GALNT6: variants seen among roughly 807,000 people sequenced by gnomAD.
GALNT6 encodes polypeptide N-acetylgalactosaminyltransferase 6.
A neutral mutation model predicts 65.9 loss-of-function variants in GALNT6; 51 were observed. The ratio of observed to expected loss-of-function variants is 0.77; its 90% CI spans 0.62 to 0.98. The LOEUF (loss-of-function observed/expected upper bound fraction) is 0.98, where lower values mean the gene tolerates loss of function less well. Among genes scored for constraint, GALNT6 ranks in the 50% least tolerant of loss-of-function variants. The pLI is 0.00. For missense variants in GALNT6, 708 were observed against 803.3 expected, an observed-to-expected ratio of 0.88 and a Z score of 1.43; for synonymous variants, 323 against 315.1, an observed-to-expected ratio of 1.02 and a Z score of -0.26.
At chr12:51,378,933 C>A (rs11833533) in intron 3 of GALNT6, among the ~76,000 whole-genome samples, 211 of 150,426 alleles carry the variant, frequency 1.4e-3, no homozygotes, top group African/African-American at 4.8e-3. Context: ...CTGGAGCAGG[C>A]CTCAGTAGAG....
chr12:51,355,692 C>T (rs1946723579), intron 11 of GALNT6, 114 bp downstream of exon 11: 1 of 937,518 alleles, frequency 1.1e-6, no homozygotes, highest in African/African-American at 1.7e-5. Flanking sequence ...TGGTCTCGAA[C>T]TCCTGACCTC....
intron 4 of GALNT6, 55 bp downstream of exon 4, chr12:51,377,140 C>A: frequency 6.5e-7 from 1 of 1,527,518 alleles, no homozygotes; most frequent in Non-Finnish European, 9.1e-7. Flanking sequence ...TGCCCTCCTC[C>A]TTTGAGTGCC....
At chr12:51,357,197 TTG>T (rs1946773910) in intron 10 of GALNT6, 150 bp downstream of exon 10, 2 of 560,606 alleles carry the variant, frequency 3.6e-6, no homozygotes, top group Non-Finnish European at 6.6e-6. Flanking sequence ...TATTCAGACC[TTG>T]TGTGTGTTAT....
chr12:51,376,339 G>T (rs375574112), intron 4 of GALNT6, among the ~76,000 whole-genome samples: 51 of 152,116 alleles, frequency 3.4e-4, no homozygotes, highest in African/African-American at 1.1e-3. Context: ...GGCTAGTGTT[G>T]TAAGAGGCTT....
intron 7 of GALNT6, 48 bp from the exon 8 acceptor site, chr12:51,359,380 C>T (rs771701085): frequency 1.5e-6 from 2 of 1,317,606 alleles, no homozygotes. Context: ...CTAGGTGAGA[C>T]AGTCTCCCCA....
intron 4 of GALNT6, among the ~76,000 whole-genome samples, chr12:51,374,046 G>T (rs139383999): frequency 6.6e-6 from 1 of 152,200 alleles, no homozygotes; most frequent in East Asian, 1.9e-4. Flanking sequence ...TTTTTATAGA[G>T]ATGGGGTCTT....
At chr12:51,364,085 G>A in intron 6 of GALNT6, 36 bp downstream of exon 6, 1 of 1,435,194 alleles carries the variant, frequency 7.0e-7, no homozygotes, top group Non-Finnish European at 9.8e-7. Context: ...GTAGGACTGG[G>A]GCCAGGTTGG....
intron 7 of GALNT6, chr12:51,360,269 C>T (rs1255276712): frequency 1.3e-5 from 2 of 152,882 alleles, no homozygotes; most frequent in Non-Finnish European, 2.9e-5. Context: ...GGTAGGGAAA[C>T]TTCAAAGGTT....
intron 4 of GALNT6, among the ~76,000 whole-genome samples, chr12:51,368,460 A>G (rs1355267256): frequency 6.8e-6 from 1 of 145,998 alleles, no homozygotes; most frequent in Non-Finnish European, 1.5e-5. Flanking sequence ...GCTGGAGTGC[A>G]GTGGTGCAAT....
At chr12:51,380,074 A>G (rs1018114556) in intron 2 of GALNT6, among the ~76,000 whole-genome samples, 190 bp from the exon 3 acceptor site, 1 of 152,196 alleles carries the variant, frequency 6.6e-6, no homozygotes, top group East Asian at 1.9e-4. Context: ...TTCCTGCCCT[A>G]AGATCCTAAT....
At chr12:51,386,527 A>G (rs1001741235) in intron 2 of GALNT6, among the ~76,000 whole-genome samples, 1 of 152,140 alleles carries the variant, frequency 6.6e-6, no homozygotes, top group Non-Finnish European at 1.5e-5. Context: ...CTTTGTAACA[A>G]TGTTTCTTTC....
chr12:51,377,107 GT>G, intron 4 of GALNT6, 87 bp downstream of exon 4: 1 of 1,120,862 alleles, frequency 8.9e-7, no homozygotes, highest in Non-Finnish European at 1.3e-6. Flanking sequence ...TCATGAGGTG[GT>G]GCCTGCTCCC....
chr12:51,354,304 G>A lies in GALNT6; in HGVS notation c.*75C>T. ...CTTTACGGCCTCCAGAGAAGCTGGT[G>A]ATCAGGTTCCCAGACATCAGCAATC... is the stretch of plus-strand genomic sequence containing the variant. On this transcript the variant is annotated 3_prime_UTR_variant, in exon 12 of 12. Coordinates refer to ENST00000356317, the MANE Select transcript of GALNT6 (RefSeq NM_007210.4). 1 of 816,426 alleles carries A rather than the reference G, an allele frequency of 1.2e-6. No homozygotes were observed. Among genetic ancestry groups the A allele is most frequent in the South Asian group, 1.9e-5 (1 of 53,636 alleles). The allele number at this position is 816,426 out of a possible 1,614,324, so 50.6% of individuals were successfully genotyped here.
At chr12:51,356,682 A>G (rs1946760073) in intron 10 of GALNT6, among the ~76,000 whole-genome samples, 1 of 152,138 alleles carries the variant, frequency 6.6e-6, no homozygotes. Context: ...TTTAAATTAG[A>G]TTAAAATTCA....
rs1565731898 is a variant in GALNT6 at position 51,379,717 on chromosome 12, AGCACAAAGGC to A, written c.55_64del (p.Ala19SerfsTer10). 1.2e-6 allele frequency: 2 copies of A among 1,613,906 alleles called. No individual in the cohort carries two copies. The highest frequency in any genetic ancestry group is 1.7e-6 in the Non-Finnish European group (2 of 1,179,988). Reference sequence around the variant, plus strand: ...ATCCCTATGCAGGAGGAAGAGGAAGAGCACAAAGGCGCAGCCCACCATGGCCAGGCGCAGG... The same window carrying A: ...ATCCCTATGCAGGAGGAAGAGGAAGAGCAGCCCACCATGGCCAGGCGCAGG... On this transcript the variant is annotated frameshift_variant, in exon 3 of 12. Transcript: ENST00000356317. LOFTEE classifies it high-confidence loss of function.
At chr12:51,384,109 C>T (rs1043721804) in intron 2 of GALNT6, among the ~76,000 whole-genome samples, 1 of 152,158 alleles carries the variant, frequency 6.6e-6, no homozygotes, top group African/African-American at 2.4e-5. Flanking sequence ...GCACTTCTTC[C>T]CAAGTCTTTT....
At chr12:51,359,525 C>A in intron 7 of GALNT6, 193 bp from the exon 8 acceptor site, 1 of 489,752 alleles carries the variant, frequency 2.0e-6, no homozygotes, top group Admixed American at 3.5e-5. Flanking sequence ...CCCAGGCTTT[C>A]TGATGTTGGT....
intron 4 of GALNT6, among the ~76,000 whole-genome samples, chr12:51,368,128 CT>C (rs1211789662): frequency 8.2e-5 from 12 of 146,670 alleles, no homozygotes; most frequent in East Asian, 4.0e-4. Context: ...AGGCCACGGA[CT>C]TTTTTTTTTA....
chr12:51,359,095 C>T lies in GALNT6; in HGVS notation c.1368+37G>A, dbSNP rs763899399. On this transcript the variant is annotated intron_variant, in intron 8 of 11. Coordinates refer to ENST00000356317, the MANE Select transcript of GALNT6 (RefSeq NM_007210.4). ...AACAGGGTCTGGGGGCCGTACTTCTCTTCATCTAAACCTCTCCGAGAACCA... is the reference window on the plus strand; with the variant it reads ...AACAGGGTCTGGGGGCCGTACTTCTTTTCATCTAAACCTCTCCGAGAACCA... The T allele has an allele frequency of 1.4e-5, 21 of 1,546,434 alleles. No homozygotes were observed. In the East Asian group the frequency reaches 4.5e-4, roughly 33 times the overall value.
Sources: gnomAD v4.1 joint callset for allele counts (sites outside exome capture counted in the v4.1 genomes callset) on GRCh38, gnomAD v4.1.1 for gene constraint, MANE v1.5 for transcripts, NCBI Gene and HGNC (gene_info 2026-07-23, HGNC 2026-07-21) for gene names.